FAM13A: variants seen among roughly 807,000 people sequenced by gnomAD.
FAM13A encodes protein FAM13A.
A neutral mutation model predicts 129.6 loss-of-function variants in FAM13A; 76 were observed. That is an observed-to-expected ratio of 0.59 (90% CI 0.49 to 0.71). The LOEUF is 0.71. Among genes scored for constraint, FAM13A ranks in the 30% least tolerant of loss-of-function variants. FAM13A has a pLI of 0.00. For missense variants in FAM13A, 1,108 were observed against 1,249.3 expected, an observed-to-expected ratio of 0.89 and a Z score of 1.70; for synonymous variants, 443 against 449.9, an observed-to-expected ratio of 0.98 and a Z score of 0.20.
intron 1 of FAM13A, among the ~76,000 whole-genome samples, chr4:89,044,561 A>G (rs973050149): frequency 3.9e-5 from 6 of 152,224 alleles, no homozygotes; most frequent in African/African-American, 7.2e-5. Flanking sequence ...ATATTATCCA[A>G]TGATTCCCCT....
intron 4 of FAM13A, among the ~76,000 whole-genome samples, chr4:88,981,984 C>A (rs1454036694): frequency 6.6e-6 from 1 of 152,184 alleles, no homozygotes; most frequent in South Asian, 2.1e-4. Flanking sequence ...AAACTCTGAG[C>A]AGGTGGCTTG....
chr4:89,047,292 T>C (rs1012040417), intron 1 of FAM13A, among the ~76,000 whole-genome samples: 1 of 152,158 alleles, frequency 6.6e-6, no homozygotes, highest in Non-Finnish European at 1.5e-5. Flanking sequence ...TGTCAAATCT[T>C]GAATAATGCT....
intron 4 of FAM13A, among the ~76,000 whole-genome samples, chr4:88,943,453 G>A (rs1346314815): frequency 6.6e-6 from 1 of 152,168 alleles, no homozygotes; most frequent in African/African-American, 2.4e-5. Context: ...CTGTTAAAAT[G>A]TTGTACACCA....
At chr4:88,739,615 A>C (rs984397512) in intron 19 of FAM13A, among the ~76,000 whole-genome samples, 8 of 125,858 alleles carry the variant, frequency 6.4e-5, no homozygotes, top group Non-Finnish European at 1.1e-4. Context: ...TCTCTACTAA[A>C]AAATACAAAA....
At chr4:88,979,005 T>A (rs1029002085) in intron 4 of FAM13A, among the ~76,000 whole-genome samples, 1 of 151,802 alleles carries the variant, frequency 6.6e-6, no homozygotes, top group Non-Finnish European at 1.5e-5. Flanking sequence ...GAAAAGGAAC[T>A]CCTACAAATC....
intron 1 of FAM13A, among the ~76,000 whole-genome samples, chr4:89,040,725 G>A (rs1039963624): frequency 1.4e-4 from 22 of 152,310 alleles, no homozygotes; most frequent in African/African-American, 5.1e-4. Flanking sequence ...TGCGGTCTGT[G>A]ATGATTAATA....
chr4:89,020,151 A>G (rs934594984), intron 3 of FAM13A, among the ~76,000 whole-genome samples: 1 of 152,144 alleles, frequency 6.6e-6, no homozygotes, highest in Non-Finnish European at 1.5e-5. Flanking sequence ...GATTTTACAT[A>G]GGGGATGAGG....
chr4:88,996,327 C>A (rs1763536083), intron 3 of FAM13A, among the ~76,000 whole-genome samples: 1 of 152,098 alleles, frequency 6.6e-6, no homozygotes, highest in Admixed American at 6.5e-5. Context: ...TGTAGGGGCA[C>A]AGTTGAAAGC....
chr4:88,826,290 C>G (rs953142409), intron 7 of FAM13A, among the ~76,000 whole-genome samples: 2 of 143,788 alleles, frequency 1.4e-5, no homozygotes, highest in Non-Finnish European at 3.0e-5. Context: ...AGCCTGCAAT[C>G]ATACCAACTG....
chr4:89,012,667 T>A (rs1446246059), intron 3 of FAM13A, among the ~76,000 whole-genome samples: 1 of 152,254 alleles, frequency 6.6e-6, no homozygotes, highest in East Asian at 1.9e-4. Context: ...ATGTTAAGGG[T>A]CAGGGATGCT....
chr4:88,850,514 G>A lies in FAM13A; in HGVS notation c.1007+506C>T, dbSNP rs535714476. Among the ~76,000 whole-genome samples the A allele has an allele frequency of 5.3e-5, 8 of 152,108 alleles. No individual in the cohort carries two copies. The East Asian group carries it at 7.7e-4, about 15-fold the overall frequency. ...GGAGGTTGCAGTGAGCCGAGATTGC[G>A]CCATTGCACTCCAGCCTGGGCAACA... On this transcript the variant is annotated intron_variant, in intron 7 of 23. Coordinates refer to ENST00000264344, the MANE Select transcript of FAM13A (RefSeq NM_014883.4).
intron 6 of FAM13A, among the ~76,000 whole-genome samples, chr4:88,896,466 C>A (rs1245152451): frequency 5.3e-5 from 8 of 152,010 alleles, no homozygotes; most frequent in Admixed American, 3.9e-4. Context: ...ATTTTAGGAA[C>A]TGTATATTAA....
chr4:88,823,273 G>A (rs1732399139), intron 7 of FAM13A: 1 of 1,252,328 alleles, frequency 8.0e-7, no homozygotes, highest in Non-Finnish European at 1.0e-6. Context: ...GGAAGCAGCT[G>A]AACCACCGGG....
intron 6 of FAM13A, among the ~76,000 whole-genome samples, chr4:88,867,438 T>C (rs181399816): frequency 2.8e-4 from 42 of 152,318 alleles, no homozygotes; most frequent in Non-Finnish European, 5.9e-4. Flanking sequence ...AGGACACCTG[T>C]TTACAGGATG....
chr4:88,761,372 T>C (rs532758457), intron 13 of FAM13A, among the ~76,000 whole-genome samples: 38 of 152,170 alleles, frequency 2.5e-4, no homozygotes, highest in Middle Eastern at 3.4e-3. Flanking sequence ...ACAAGGCAAA[T>C]ACAATTGCAA....
chr4:88,967,376 CTTAT>C (rs1214162522), intron 4 of FAM13A, among the ~76,000 whole-genome samples: 1 of 152,178 alleles, frequency 6.6e-6, no homozygotes, highest in Non-Finnish European at 1.5e-5. Flanking sequence ...CCTACACAAT[CTTAT>C]TTAATTTTTT....
At chr4:88,800,696 C>CAAAAAAAAAAAAAA (rs1185321303) in intron 8 of FAM13A, among the ~76,000 whole-genome samples, 4 of 54,010 alleles carry the variant, frequency 7.4e-5, no homozygotes, top group African/African-American at 7.7e-5. Context: ...GAAACAAAAA[C>CAAAAAAAAAAAAAA]AAAAAAAAAA....
intron 11 of FAM13A, among the ~76,000 whole-genome samples, chr4:88,769,986 G>T (rs1304751125): frequency 6.6e-6 from 1 of 151,968 alleles, no homozygotes; most frequent in Non-Finnish European, 1.5e-5. Flanking sequence ...ATATCTCCAA[G>T]ATATTTGTTA....
Position 89,029,587 on chromosome 4 carries a change from A to G in FAM13A, c.90T>C (p.Asn30=), listed in dbSNP as rs763093165. Residue 30 remains asparagine (N), a synonymous_variant, in exon 2 of 24, where the codon AAT becomes AAC. Coordinates refer to ENST00000264344, the MANE Select transcript of FAM13A (RefSeq NM_014883.4). ...DMKKIVAVPL[N]EQKDFTYQKL... is the part of the protein sequence containing the mutation. ...TCTGATAGGTAAAATCCTTCTGTTC[A>G]TTTAATGGCACTGCCACTATCTTTT... The G allele has an allele frequency of 2.5e-6, 4 of 1,590,640 alleles. No individual in the cohort carries two copies.
Sources: gnomAD v4.1 joint callset for allele counts (sites outside exome capture counted in the v4.1 genomes callset) on GRCh38, gnomAD v4.1.1 for gene constraint, MANE v1.5 for transcripts, NCBI Gene and HGNC (gene_info 2026-07-23, HGNC 2026-07-21) for gene names.